TBC1D19: variants seen among roughly 807,000 people sequenced by gnomAD.
TBC1D19 encodes TBC1 domain family, member 19.
Under a neutral mutation model 89.0 loss-of-function variants are expected in TBC1D19, and 60 were observed. That is an observed-to-expected ratio of 0.67 (90% CI 0.55 to 0.84). The LOEUF is 0.84. Ranked by LOEUF, TBC1D19 falls within the 40% of genes least tolerant of loss-of-function variation. TBC1D19 has a pLI of 0.00. For synonymous variants in TBC1D19, 189 were observed against 199.7 expected (o/e 0.95, Z 0.45); for missense variants, 500 against 610.8 (o/e 0.82, Z 1.91).
chr4:26,681,272 C>T (rs770143352), intron 11 of TBC1D19, among the ~76,000 whole-genome samples: 1 of 151,980 alleles, frequency 6.6e-6, no homozygotes. Context: ...GGCGTGGTGG[C>T]TCACACCTGT....
intron 18 of TBC1D19, among the ~76,000 whole-genome samples, chr4:26,746,063 T>G (rs1718629041): frequency 6.6e-6 from 1 of 152,212 alleles, no homozygotes; most frequent in Admixed American, 6.5e-5. Flanking sequence ...TTTGCCAAAT[T>G]TGGCAGTTTT....
intron 15 of TBC1D19, among the ~76,000 whole-genome samples, chr4:26,722,742 C>A (rs926986996): frequency 2.6e-5 from 4 of 152,216 alleles, no homozygotes; most frequent in African/African-American, 9.6e-5. Context: ...CAAACATTTT[C>A]CAAGCAGTAC....
the TBC1D19 span, among the ~76,000 whole-genome samples, chr4:26,774,213 G>A: frequency 6.6e-6 from 1 of 152,178 alleles, no homozygotes; most frequent in Non-Finnish European, 1.5e-5. Context: ...ATAAAGGGAG[G>A]TGGCACATTG....
chr4:26,670,371 T>C (rs913818343), intron 9 of TBC1D19, among the ~76,000 whole-genome samples: 1 of 151,506 alleles, frequency 6.6e-6, no homozygotes, highest in Non-Finnish European at 1.5e-5. Flanking sequence ...TCAAATACTC[T>C]AGTGAAAAAA....
intron 1 of TBC1D19, among the ~76,000 whole-genome samples, chr4:26,603,617 A>G (rs1295807839): frequency 6.6e-6 from 1 of 152,198 alleles, no homozygotes; most frequent in African/African-American, 2.4e-5. Flanking sequence ...CAGACTTAAA[A>G]CTATGGCAGG....
chr4:26,686,305 A>G (rs1218232529), intron 12 of TBC1D19, among the ~76,000 whole-genome samples: 1 of 152,218 alleles, frequency 6.6e-6, no homozygotes, highest in Non-Finnish European at 1.5e-5. Context: ...CTGTTGAGCA[A>G]AGTAGCAATC....
At chr4:26,834,548 G>A in the TBC1D19 span, among the ~76,000 whole-genome samples, 1 of 152,106 alleles carries the variant, frequency 6.6e-6, no homozygotes, top group Non-Finnish European at 1.5e-5. Context: ...TGGCTATGGG[G>A]GGCGGGGGTG....
intron 1 of TBC1D19, among the ~76,000 whole-genome samples, chr4:26,589,844 G>A (rs570945075): frequency 2.0e-5 from 3 of 152,322 alleles, no homozygotes; most frequent in African/African-American, 4.8e-5. Flanking sequence ...TGCTTCAGAT[G>A]AGAGGAGAGT....
the TBC1D19 span, among the ~76,000 whole-genome samples, chr4:26,763,516 C>T: frequency 6.6e-6 from 1 of 152,310 alleles, no homozygotes; most frequent in African/African-American, 2.4e-5. Flanking sequence ...GAAGCCTCCC[C>T]GCCTTGAGTT....
At chr4:26,740,829 C>T in intron 17 of TBC1D19, 1 of 985,288 alleles carries the variant, frequency 1.0e-6, no homozygotes, top group Non-Finnish European at 1.2e-6. Context: ...GTTCTTTATC[C>T]CCCCATTCTA....
chr4:26,641,180 GC>G (rs1743488087), intron 7 of TBC1D19, among the ~76,000 whole-genome samples: 1 of 152,174 alleles, frequency 6.6e-6, no homozygotes, highest in African/African-American at 2.4e-5. Context: ...ACAGGCCAGT[GC>G]CCCTCTGAGA....
chr4:26,646,350 C>CT (rs1240553582), intron 7 of TBC1D19, among the ~76,000 whole-genome samples: 1 of 152,124 alleles, frequency 6.6e-6, no homozygotes, highest in Non-Finnish European at 1.5e-5. Flanking sequence ...AATTGGAACG[C>CT]TTTTACACTA....
downstream of TBC1D19, among the ~76,000 whole-genome samples, chr4:26,759,144 C>T (rs1719374273): frequency 6.6e-6 from 1 of 152,206 alleles, no homozygotes; most frequent in Admixed American, 6.5e-5. Context: ...CCTACATATA[C>T]ATAAGATGTA....
chr4:26,739,712 C>A, intron 16 of TBC1D19, 152 bp from the exon 17 acceptor site: 1 of 431,546 alleles, frequency 2.3e-6, no homozygotes, highest in Non-Finnish European at 4.1e-6. Flanking sequence ...CATATATTCC[C>A]CTCTCAAAAT....
the TBC1D19 span, among the ~76,000 whole-genome samples, chr4:26,765,753 C>G: frequency 6.6e-5 from 10 of 152,086 alleles, no homozygotes; most frequent in Non-Finnish European, 1.5e-4. Flanking sequence ...AGTCTCTGCT[C>G]TATCACTACA....
chr4:26,831,591 C>CT, the TBC1D19 span, among the ~76,000 whole-genome samples: 1,736 of 99,586 alleles, frequency 0.017, 25 homozygotes, highest in African/African-American at 0.052. Flanking sequence ...TTTTTTTTTT[C>CT]TTTTTTTTTT....
chr4:26,743,301 A>G (rs991922954), intron 18 of TBC1D19, among the ~76,000 whole-genome samples: 1 of 152,156 alleles, frequency 6.6e-6, no homozygotes, highest in Non-Finnish European at 1.5e-5. Context: ...CCTTGAGGCC[A>G]CAAAAGAAGT....
At chr4:26,584,340 G>T in intron 1 of TBC1D19, 48 bp downstream of exon 1, 3 of 1,541,958 alleles carry the variant, frequency 1.9e-6, no homozygotes, top group South Asian at 1.2e-5. Flanking sequence ...GGGCCGCGGC[G>T]ATGTCTCTTC....
chr4:26,601,697 T>C (rs1740619441), intron 1 of TBC1D19, among the ~76,000 whole-genome samples: 1 of 152,076 alleles, frequency 6.6e-6, no homozygotes, highest in Admixed American at 6.5e-5. Flanking sequence ...AGGCATGGAG[T>C]TGGTTTTTAG....
Sources: allele counts gnomAD v4.1 joint callset (sites outside exome capture counted in the v4.1 genomes callset), GRCh38; gene constraint gnomAD v4.1.1; transcripts MANE v1.5; gene names NCBI Gene and HGNC (gene_info 2026-07-23, HGNC 2026-07-21).